Variants in CNGB3 observed in about 807,000 individuals in gnomAD.
CNGB3 encodes the protein cyclic nucleotide gated channel subunit beta 3, also known as cyclic nucleotide-gated channel beta-3.
A neutral mutation model predicts 92.8 loss-of-function variants in CNGB3; 86 were observed. That is an observed-to-expected ratio of 0.93 (90% CI 0.78 to 1.11). CNGB3 has a LOEUF of 1.11. CNGB3 is among the 50% of genes least tolerant of loss of function. The pLI, the probability that CNGB3 is intolerant of heterozygous loss-of-function variation, is 0.00. For synonymous variants in CNGB3, 333 were observed against 332.7 expected, an observed-to-expected ratio of 1.00 and a Z score of -0.01; for missense variants, 1,026 against 956.8, an observed-to-expected ratio of 1.07 and a Z score of -0.95.
chr8:86,603,836 C>A (rs1379589361), intron 15 of CNGB3, among the ~76,000 whole-genome samples: 1 of 152,178 alleles, frequency 6.6e-6, no homozygotes, highest in Admixed American at 6.5e-5. Context: ...TTTGCACATC[C>A]ATTCAACATA....
intron 14 of CNGB3, among the ~76,000 whole-genome samples, chr8:86,605,258 G>A (rs1384890701): frequency 6.6e-6 from 1 of 152,162 alleles, no homozygotes; most frequent in Non-Finnish European, 1.5e-5. Flanking sequence ...CACCAAACTA[G>A]TGGGTGGTTA....
intron 3 of CNGB3, among the ~76,000 whole-genome samples, chr8:86,706,866 T>A (rs1824660890): frequency 6.6e-6 from 1 of 152,222 alleles, no homozygotes; most frequent in South Asian, 2.1e-4. Context: ...AGCTTGAGGG[T>A]TCAATTTTGT....
At chr8:86,595,770 A>C (rs1019747427) in intron 15 of CNGB3, among the ~76,000 whole-genome samples, 3 of 152,220 alleles carry the variant, frequency 2.0e-5, no homozygotes, top group Non-Finnish European at 4.4e-5. Flanking sequence ...AAGACCTAAA[A>C]GTCTCCTCTG....
chr8:86,661,304 C>A, intron 6 of CNGB3: 1 of 381,090 alleles, frequency 2.6e-6, no homozygotes, highest in South Asian at 2.4e-5. Flanking sequence ...CATGTACTGT[C>A]ATTTACGAGT....
At chr8:86,694,020 T>C (rs1423431793) in intron 3 of CNGB3, among the ~76,000 whole-genome samples, 110 of 114,258 alleles carry the variant, frequency 9.6e-4, no homozygotes, top group Middle Eastern at 6.1e-3. Context: ...CCAGTAGGGG[T>C]GGCCGGGCAG....
At chr8:86,576,789 A>G (rs10956887) in intron 17 of CNGB3, among the ~76,000 whole-genome samples, 15,479 of 152,272 alleles carry the variant, frequency 0.1, 821 homozygotes, top group Non-Finnish European at 0.12. Flanking sequence ...GAGATTCTTA[A>G]CACATTTACT....
chr8:86,657,424 G>A, intron 6 of CNGB3: 1 of 500,060 alleles, frequency 2.0e-6, no homozygotes, highest in South Asian at 1.5e-5. Context: ...CAGCATGATA[G>A]AAAAATGGAA....
intron 3 of CNGB3, among the ~76,000 whole-genome samples, chr8:86,681,962 C>T (rs1283238265): frequency 1.3e-5 from 2 of 152,088 alleles, no homozygotes; most frequent in Non-Finnish European, 2.9e-5. Flanking sequence ...TTTGTGTCAG[C>T]TATTCAGTGG....
intron 3 of CNGB3, among the ~76,000 whole-genome samples, chr8:86,718,271 T>A (rs1824901988): frequency 6.6e-6 from 1 of 151,902 alleles, no homozygotes; most frequent in East Asian, 1.9e-4. Context: ...AGAACATTAG[T>A]GAGATGAACC....
At chr8:86,642,403 T>C (rs1218545590) in intron 10 of CNGB3, among the ~76,000 whole-genome samples, 1 of 151,762 alleles carries the variant, frequency 6.6e-6, no homozygotes, top group Non-Finnish European at 1.5e-5. Flanking sequence ...TTTCTGGAAA[T>C]TGAGTGTCTG....
intron 2 of CNGB3, among the ~76,000 whole-genome samples, chr8:86,733,205 A>G (rs1825188473): frequency 6.6e-6 from 1 of 151,834 alleles, no homozygotes; most frequent in Non-Finnish European, 1.5e-5. Flanking sequence ...TTGGCTTTCT[A>G]TTTTTGGGTC....
chr8:86,678,129 T>C (rs1824011049), intron 3 of CNGB3, among the ~76,000 whole-genome samples: 1 of 152,162 alleles, frequency 6.6e-6, no homozygotes, highest in South Asian at 2.1e-4. Context: ...GAGCACGTCC[T>C]TTTTCTTTTG....
At chr8:86,734,652 A>T (rs1825213783) in intron 2 of CNGB3, among the ~76,000 whole-genome samples, 1 of 152,186 alleles carries the variant, frequency 6.6e-6, no homozygotes, top group African/African-American at 2.4e-5. Flanking sequence ...AAAAGTCAAC[A>T]TTTAAAAATT....
chr8:86,691,695 C>G (rs1254897853), intron 3 of CNGB3, among the ~76,000 whole-genome samples: 1 of 151,938 alleles, frequency 6.6e-6, no homozygotes, highest in Non-Finnish European at 1.5e-5. Flanking sequence ...TGTTTCATTT[C>G]TCTTTTGTAT....
intron 15 of CNGB3, among the ~76,000 whole-genome samples, chr8:86,582,995 G>A (rs1487840791): frequency 6.6e-6 from 1 of 151,912 alleles, no homozygotes; most frequent in Non-Finnish European, 1.5e-5. Context: ...GAGTGCAATG[G>A]TACAATCTTG....
chr8:86,690,406 G>A (rs1168864056), intron 3 of CNGB3, among the ~76,000 whole-genome samples: 1 of 151,740 alleles, frequency 6.6e-6, no homozygotes, highest in Non-Finnish European at 1.5e-5. Context: ...TTTTGATGGG[G>A]TTGTTTTTTT....
At chr8:86,696,269 A>T (rs1489053143) in intron 3 of CNGB3, among the ~76,000 whole-genome samples, 1 of 151,960 alleles carries the variant, frequency 6.6e-6, no homozygotes, top group East Asian at 1.9e-4. Context: ...GCTTGAGTTG[A>T]TTGGCCTCCT....
chr8:86,723,412 C>A (rs928080207), intron 3 of CNGB3, among the ~76,000 whole-genome samples: 4 of 151,882 alleles, frequency 2.6e-5, no homozygotes, highest in African/African-American at 9.7e-5. Flanking sequence ...CTGACCTTGC[C>A]CAAGGTTGAA....
intron 15 of CNGB3, chr8:86,594,415 C>A: frequency 3.5e-6 from 1 of 286,388 alleles, no homozygotes; most frequent in South Asian, 3.4e-5. Flanking sequence ...CGTGCTTGCT[C>A]CTGACGAAAT....
Sources: gnomAD v4.1 joint callset for allele counts (sites outside exome capture counted in the v4.1 genomes callset) on GRCh38, gnomAD v4.1.1 for gene constraint, MANE v1.5 for transcripts, NCBI Gene and HGNC (gene_info 2026-07-23, HGNC 2026-07-21) for gene names.